CDC42BPA: variants seen among roughly 807,000 people sequenced by gnomAD.
The protein encoded by CDC42BPA is serine/threonine-protein kinase MRCK alpha.
In CDC42BPA, 80 loss-of-function variants were observed where a neutral mutation model predicts 223.5. The ratio of observed to expected loss-of-function variants is 0.36; its 90% CI spans 0.30 to 0.43. The LOEUF (loss-of-function observed/expected upper bound fraction) is 0.43, where lower values mean the gene tolerates loss of function less well. Among genes scored for constraint, CDC42BPA ranks in the 20% least tolerant of loss-of-function variants. The pLI is 1.00. For synonymous variants in CDC42BPA, 694 were observed against 718.6 expected (o/e 0.97, Z 0.55); for missense variants, 1,743 against 2,099.9 (o/e 0.83, Z 3.32).
chr1:227,206,611 T>C (rs543995082), intron 3 of CDC42BPA, among the ~76,000 whole-genome samples: 1 of 152,322 alleles, frequency 6.6e-6, no homozygotes, highest in Non-Finnish European at 1.5e-5. Context: ...GTTGGATAAG[T>C]CATGGTCAGA....
At chr1:227,038,172 A>T (rs1177471860) in intron 24 of CDC42BPA, among the ~76,000 whole-genome samples, 1 of 109,654 alleles carries the variant, frequency 9.1e-6, no homozygotes, top group African/African-American at 4.3e-5. Context: ...ATAGTGATTA[A>T]GTCTCGTGAA....
chr1:227,122,632 TA>T (rs1323147482), intron 11 of CDC42BPA, among the ~76,000 whole-genome samples: 12 of 152,196 alleles, frequency 7.9e-5, no homozygotes, highest in Admixed American at 7.9e-4. Context: ...AACATTCATT[TA>T]AACAACAGTA....
intron 2 of CDC42BPA, chr1:227,235,065 ATATT>A (rs1297331037): frequency 1.3e-5 from 2 of 152,038 alleles, no homozygotes; most frequent in Non-Finnish European, 2.9e-5. Flanking sequence ...ATCATGGCTG[ATATT>A]TACAAGAATG....
At chr1:227,082,539 C>T (rs1680913603) in intron 16 of CDC42BPA, among the ~76,000 whole-genome samples, 1 of 151,496 alleles carries the variant, frequency 6.6e-6, no homozygotes. Flanking sequence ...ACAGTGAAAC[C>T]CCGTCTCTAC....
At chr1:227,242,595 C>A (rs1046188467) in intron 2 of CDC42BPA, among the ~76,000 whole-genome samples, 21 of 151,884 alleles carry the variant, frequency 1.4e-4, no homozygotes, top group African/African-American at 4.4e-4. Flanking sequence ...TGTATTTCTA[C>A]CACAGCAAGA....
intron 9 of CDC42BPA, 84 bp from the exon 10 acceptor site, chr1:227,139,826 T>A: frequency 1.3e-6 from 1 of 790,980 alleles, no homozygotes; most frequent in Non-Finnish European, 1.8e-6. Flanking sequence ...AAATTGTTTT[T>A]AACTGACTCC....
At chr1:227,158,223 G>A (rs1215886185) in intron 6 of CDC42BPA, among the ~76,000 whole-genome samples, 1 of 152,102 alleles carries the variant, frequency 6.6e-6, no homozygotes, top group African/African-American at 2.4e-5. Context: ...GCCTCCCAAA[G>A]TGCCGGGATT....
intron 3 of CDC42BPA, among the ~76,000 whole-genome samples, chr1:227,200,008 C>A (rs1671438448): frequency 6.6e-6 from 1 of 152,172 alleles, no homozygotes; most frequent in Non-Finnish European, 1.5e-5. Context: ...TTGTATCCTT[C>A]CTACTCCAAA....
intron 1 of CDC42BPA, among the ~76,000 whole-genome samples, chr1:227,299,295 A>C: frequency 6.6e-6 from 1 of 152,220 alleles, no homozygotes; most frequent in East Asian, 1.9e-4. Context: ...CTCTCACAGC[A>C]ATCATCTTTG....
At chr1:227,234,705 T>C (rs115128840) in intron 2 of CDC42BPA, 8,198 of 152,334 alleles carry the variant, frequency 0.054, 243 homozygotes, top group Non-Finnish European at 0.072. Context: ...TCAGCTCCCA[T>C]GTGACGGAGG....
chr1:227,277,040 C>T (rs1687209578), intron 1 of CDC42BPA, among the ~76,000 whole-genome samples: 1 of 150,706 alleles, frequency 6.6e-6, no homozygotes, highest in South Asian at 2.1e-4. Context: ...TGCCAAATCC[C>T]CCTCTCCGAG....
At chr1:227,045,812 T>C (rs1028772283) in intron 23 of CDC42BPA, among the ~76,000 whole-genome samples, 2 of 152,176 alleles carry the variant, frequency 1.3e-5, no homozygotes, top group African/African-American at 2.4e-5. Flanking sequence ...AGGAAATATT[T>C]ATCTTTTTCT....
At chr1:227,203,818 C>G (rs1672216387) in intron 3 of CDC42BPA, among the ~76,000 whole-genome samples, 1 of 152,156 alleles carries the variant, frequency 6.6e-6, no homozygotes, top group Admixed American at 6.5e-5. Flanking sequence ...TTGGGATAAA[C>G]AGGAACAGGA....
At chr1:227,313,116 C>T (rs867351940) in intron 1 of CDC42BPA, among the ~76,000 whole-genome samples, 16 of 152,070 alleles carry the variant, frequency 1.1e-4, no homozygotes, top group South Asian at 4.2e-4. Context: ...TTCCTAAAAA[C>T]AATTATAATA....
intron 16 of CDC42BPA, among the ~76,000 whole-genome samples, chr1:227,086,740 C>T (rs769423038): frequency 6.7e-6 from 1 of 150,314 alleles, no homozygotes; most frequent in African/African-American, 2.5e-5. Flanking sequence ...CATCTCCACT[C>T]ACTGCAGCCT....
chr1:227,136,700 CAAG>C (rs1360630702), intron 10 of CDC42BPA, among the ~76,000 whole-genome samples: 2 of 152,122 alleles, frequency 1.3e-5, no homozygotes, highest in African/African-American at 2.4e-5. Context: ...GCTGGCTTCT[CAAG>C]AAATATTATG....
intron 3 of CDC42BPA, among the ~76,000 whole-genome samples, chr1:227,201,561 G>A (rs1264935550): frequency 1.3e-5 from 2 of 152,166 alleles, no homozygotes; most frequent in African/African-American, 4.8e-5. Context: ...CCTGAGTCAT[G>A]TTCCCATAGT....
At chr1:227,267,990 T>C (rs926172747) in intron 1 of CDC42BPA, among the ~76,000 whole-genome samples, 7 of 152,228 alleles carry the variant, frequency 4.6e-5, no homozygotes, top group Admixed American at 2.0e-4. Context: ...ACACCTACCA[T>C]GTCCCAGGCA....
rs138623155 is a variant in CDC42BPA at position 227,305,898 on chromosome 1, G to A, written c.178+11107C>T. 5.1e-3 allele frequency among the ~76,000 whole-genome samples: 771 copies of A among 152,252 alleles called. 5 individuals are homozygous for A. Among genetic ancestry groups the A allele is most frequent in the African/African-American group, 0.017 (707 of 41,534 alleles). ...GGAGAATCACTTGAACCCAGAAGGCGGAGGCTGCAGTGAGCCAAGATCGTG... is the reference window on the plus strand; with the variant it reads ...GGAGAATCACTTGAACCCAGAAGGCAGAGGCTGCAGTGAGCCAAGATCGTG... On this transcript the variant is annotated intron_variant, in intron 1 of 36. Coordinates refer to ENST00000366766, the MANE Select transcript of CDC42BPA (RefSeq NM_001394014.1).
Sources: gnomAD v4.1 joint callset for allele counts (sites outside exome capture counted in the v4.1 genomes callset) on GRCh38, gnomAD v4.1.1 for gene constraint, MANE v1.5 for transcripts, NCBI Gene and HGNC (gene_info 2026-07-23, HGNC 2026-07-21) for gene names.